HACE1: variants seen among roughly 807,000 people sequenced by gnomAD.
HACE1 encodes HECT domain and ankyrin repeat containing E3 ubiquitin protein ligase 1.
A neutral mutation model predicts 118.4 loss-of-function variants in HACE1; 73 were observed. The ratio of observed to expected loss-of-function variants is 0.62; its 90% CI spans 0.51 to 0.75. The LOEUF (loss-of-function observed/expected upper bound fraction) is 0.75. HACE1 is among the 30% of genes least tolerant of loss of function. The pLI is 0.00. For missense variants in HACE1, 749 were observed against 1,102.2 expected, an observed-to-expected ratio of 0.68 and a Z score of 4.54; for synonymous variants, 368 against 374.8, an observed-to-expected ratio of 0.98 and a Z score of 0.21.
chr6:104,788,617 C>A (rs1782684991), intron 11 of HACE1, among the ~76,000 whole-genome samples: 1 of 152,064 alleles, frequency 6.6e-6, no homozygotes, highest in Admixed American at 6.5e-5. Flanking sequence ...TTCTTGGTTA[C>A]CAAAATTTCC....
chr6:104,827,132 G>A (rs1773418129), intron 6 of HACE1, among the ~76,000 whole-genome samples: 1 of 152,096 alleles, frequency 6.6e-6, no homozygotes, highest in African/African-American at 2.4e-5. Context: ...AAGACCACCT[G>A]TGCCCAATAC....
chr6:104,730,266 A>T, intron 23 of HACE1, 37 bp downstream of exon 23: 1 of 987,718 alleles, frequency 1.0e-6, no homozygotes, highest in Non-Finnish European at 1.6e-6. Context: ...TAATCAAAAC[A>T]ATTTGTAAAG....
intron 6 of HACE1, among the ~76,000 whole-genome samples, chr6:104,821,543 C>G (rs1772716316): frequency 6.6e-6 from 1 of 152,050 alleles, no homozygotes; most frequent in Admixed American, 6.6e-5. Flanking sequence ...GTAAATAACA[C>G]TAATATGTAC....
At position 104,785,380 on chromosome 6, in the gene HACE1, A is replaced by C. The variant is rs745515108; in HGVS notation, c.1075-61T>G. On this transcript the variant is annotated intron_variant, in intron 11 of 23. Transcript: ENST00000262903. The stretch of plus-strand genomic sequence containing the variant: ...TTAAACTACAGGATTAAAAAAAAAA[A>C]AACAAAACACAACTAGACAAATATT... 58 of 941,294 alleles carry C rather than the reference A, an allele frequency of 6.2e-5. No individual in the cohort carries two copies. The African/African-American group carries it at 8.5e-4, about 14-fold the overall frequency. 58.3% of individuals were successfully genotyped at this position (941,294 alleles called of 1,614,324 possible). A position where few individuals can be genotyped will look rare whatever the true frequency, so the allele number is the denominator to read the frequency against.
intron 13 of HACE1, 44 bp from the exon 14 acceptor site, chr6:104,784,217 A>C (rs764939524): frequency 9.0e-6 from 10 of 1,105,622 alleles, no homozygotes; most frequent in Non-Finnish European, 1.4e-5. Flanking sequence ...AAGAATGAGT[A>C]GCATTAAGTG....
At chr6:104,785,514 C>A (rs1275379153) in intron 11 of HACE1, 195 bp from the exon 12 acceptor site, 22 of 550,000 alleles carry the variant, frequency 4.0e-5, no homozygotes, top group Non-Finnish European at 6.4e-5. Flanking sequence ...ATGACAATTT[C>A]TTCATTTATG....
intron 17 of HACE1, 141 bp downstream of exon 17, chr6:104,776,600 A>C: frequency 1.5e-6 from 1 of 679,466 alleles, no homozygotes; most frequent in Non-Finnish European, 2.7e-6. Context: ...AAAAACTCTG[A>C]ATTTCAGTTT....
At chr6:104,805,923 T>C (rs1770945747) in intron 7 of HACE1, among the ~76,000 whole-genome samples, 1 of 152,062 alleles carries the variant, frequency 6.6e-6, no homozygotes, top group African/African-American at 2.4e-5. Flanking sequence ...GGAGGATATG[T>C]GCTATGAGAA....
chr6:104,769,813 A>G (rs62419354), intron 19 of HACE1, among the ~76,000 whole-genome samples: 37,072 of 151,874 alleles, frequency 0.24, 4,872 homozygotes, highest in African/African-American at 0.34. Flanking sequence ...TAAGAACTCA[A>G]CTCCTGACTT....
chr6:104,771,879 A>C, intron 18 of HACE1, 46 bp downstream of exon 18: 2 of 1,377,454 alleles, frequency 1.5e-6, no homozygotes, highest in Non-Finnish European at 2.1e-6. Flanking sequence ...AACTGAAAAA[A>C]AAACAATATA....
chr6:104,812,009 G>A lies in HACE1; in HGVS notation c.535-616C>T, dbSNP rs965708671. 4.6e-5 allele frequency among the ~76,000 whole-genome samples: 7 copies of A among 152,038 alleles called. No individual in the cohort carries two copies. In the East Asian group the frequency reaches 1.4e-3, roughly 29 times the overall value. ...CATTAATATATACTTAGCCCCCTAA[G>A]CTCTACTCCTCTAATCATTTGACTC... On this transcript the variant is annotated intron_variant, in intron 6 of 23. Transcript: ENST00000262903.
chr6:104,821,009 TA>T (rs1772654502), intron 6 of HACE1, among the ~76,000 whole-genome samples: 2 of 152,092 alleles, frequency 1.3e-5, no homozygotes, highest in Non-Finnish European at 2.9e-5. Context: ...TATGCAGCCA[TA>T]AAAAAGAACG....
At chr6:104,821,968 G>T (rs183243082) in intron 6 of HACE1, among the ~76,000 whole-genome samples, 71 of 152,238 alleles carry the variant, frequency 4.7e-4, no homozygotes, top group African/African-American at 1.7e-3. Flanking sequence ...AGGGCTTTGG[G>T]AGACCAAAGT....
intron 7 of HACE1, among the ~76,000 whole-genome samples, chr6:104,805,052 G>A (rs1003470635): frequency 1.3e-5 from 2 of 152,168 alleles, no homozygotes; most frequent in Non-Finnish European, 2.9e-5. Flanking sequence ...CAAAGGATAT[G>A]AACAGACACT....
At chr6:104,744,473 C>A in intron 21 of HACE1, 39 bp downstream of exon 21, 2 of 1,153,680 alleles carry the variant, frequency 1.7e-6, no homozygotes, top group Non-Finnish European at 2.6e-6. Flanking sequence ...AATTAAACGG[C>A]AAAACTTAAC....
chr6:104,745,541 C>T (rs9322811), intron 20 of HACE1, among the ~76,000 whole-genome samples: 36,371 of 150,302 alleles, frequency 0.24, 4,755 homozygotes, highest in African/African-American at 0.34. Context: ...CCCGGGTTCA[C>T]GCCATTCTCC....
At position 104,820,375 on chromosome 6, in the gene HACE1, G is replaced by A. The variant is rs190183079; in HGVS notation, c.535-8982C>T. Among the ~76,000 whole-genome samples, 1,280 of 151,980 alleles carry A rather than the reference G, an allele frequency of 8.4e-3. 9 individuals carry two copies. Among genetic ancestry groups the A allele is most frequent in the Admixed American group, 0.011 (161 of 15,244 alleles). On this transcript the variant is annotated intron_variant, in intron 6 of 23. Transcript: ENST00000262903. Reference sequence around the variant, plus strand: ...TTAAACTAAAGAGTTTCTGCATAGCGAAAAAAACTATCATCAGAATGAACA... The same window carrying A: ...TTAAACTAAAGAGTTTCTGCATAGCAAAAAAAACTATCATCAGAATGAACA...
intron 7 of HACE1, among the ~76,000 whole-genome samples, 184 bp downstream of exon 7, chr6:104,811,127 C>A (rs1370419731): frequency 6.6e-6 from 1 of 151,210 alleles, no homozygotes; most frequent in African/African-American, 2.4e-5. Flanking sequence ...ATTGTACTTC[C>A]TCTTAAAAGA....
intron 22 of HACE1, among the ~76,000 whole-genome samples, chr6:104,743,315 TA>T (rs71741922): frequency 0.11 from 16,752 of 150,942 alleles, 961 homozygotes; most frequent in East Asian, 0.16. Context: ...AGTATAATAA[TA>T]AAAAAAAATT....
Sources: allele counts gnomAD v4.1 joint callset (sites outside exome capture counted in the v4.1 genomes callset), GRCh38; gene constraint gnomAD v4.1.1; transcripts MANE v1.5; gene names NCBI Gene and HGNC (gene_info 2026-07-23, HGNC 2026-07-21).